Variants in GRID2 observed in about 807,000 individuals in gnomAD.
GRID2 encodes glutamate ionotropic receptor delta type subunit 2.
In GRID2, 33 loss-of-function variants were observed where a neutral mutation model predicts 114.8. The ratio of observed to expected loss-of-function variants is 0.29; its 90% confidence interval spans 0.22 to 0.38. The LOEUF (loss-of-function observed/expected upper bound fraction) is 0.38. Among genes scored for constraint, GRID2 ranks in the 10% least tolerant of loss-of-function variants. GRID2 has a pLI of 1.00. For synonymous variants in GRID2, 505 were observed against 449.9 expected, an observed-to-expected ratio of 1.12 and a Z score of -1.55; for missense variants, 1,184 against 1,257.7, an observed-to-expected ratio of 0.94 and a Z score of 0.89.
intron 2 of GRID2, among the ~76,000 whole-genome samples, chr4:92,600,020 ATGTATGTGTGTGTGTGTGTGTGTG>A (rs1363503137): frequency 1.0e-4 from 10 of 99,712 alleles, no homozygotes; most frequent in African/African-American, 4.2e-4. Flanking sequence ...GCAATACTTC[ATGTATGTGTGTGTGTGTGTGTGTG>A]TATATATATA....
chr4:92,322,747 G>A (rs922500536), intron 1 of GRID2, among the ~76,000 whole-genome samples: 1 of 152,042 alleles, frequency 6.6e-6, no homozygotes, highest in Non-Finnish European at 1.5e-5. Context: ...TTCTGTCTTA[G>A]CAGCAGGTTA....
At position 92,448,129 on chromosome 4, in the gene GRID2, TTTTA is replaced by T. The variant is rs959752616; in HGVS notation, c.89-142000_89-141997del. Among the ~76,000 whole-genome samples, 5 of 140,922 alleles carry T rather than the reference TTTTA, an allele frequency of 3.5e-5. No individual in the cohort carries two copies. In the East Asian group the frequency reaches 6.0e-4, roughly 17 times the overall value. 92.5% of individuals were successfully genotyped at this position (140,922 alleles called of 152,430 possible). A position where few individuals can be genotyped will look rare whatever the true frequency, so the allele number is the denominator to read the frequency against. On this transcript the variant is annotated intron_variant, in intron 1 of 15. Transcript: ENST00000282020. ...TGTAGAGTAGTAGTATTGATTTTTATTTTATGTATGTATGTATGTATGTATGTAT... is the reference window on the plus strand; with the variant it reads ...TGTAGAGTAGTAGTATTGATTTTTATTGTATGTATGTATGTATGTATGTAT...
At chr4:92,934,726 T>A (rs527769805) in intron 2 of GRID2, among the ~76,000 whole-genome samples, 4 of 146,344 alleles carry the variant, frequency 2.7e-5, no homozygotes, top group African/African-American at 9.7e-5. Flanking sequence ...CCCTCAGAAA[T>A]AACACTGCAT....
chr4:93,794,671 C>T (rs1287462252), intron 1 of GRID2, among the ~76,000 whole-genome samples: 1 of 152,214 alleles, frequency 6.6e-6, no homozygotes, highest in African/African-American at 2.4e-5. Flanking sequence ...GGTTTGCCAA[C>T]TTGCAGATAA....
chr4:92,987,223 A>AT (rs570366395), intron 2 of GRID2, among the ~76,000 whole-genome samples: 9 of 151,816 alleles, frequency 5.9e-5, no homozygotes, highest in East Asian at 1.9e-4. Flanking sequence ...GACTGATAAA[A>AT]TTTTTTTTTA....
At chr4:92,470,331 G>T (rs1254047595) in intron 1 of GRID2, among the ~76,000 whole-genome samples, 1 of 150,876 alleles carries the variant, frequency 6.6e-6, no homozygotes, top group Non-Finnish European at 1.5e-5. Flanking sequence ...TATAATATTG[G>T]CAGAGAGACA....
intron 2 of GRID2, among the ~76,000 whole-genome samples, chr4:92,788,660 T>C (rs1208350685): frequency 4.0e-5 from 6 of 151,884 alleles, no homozygotes; most frequent in African/African-American, 1.4e-4. Flanking sequence ...AATTATGATC[T>C]TAATTTTTAT....
chr4:93,100,271 T>C (rs1731586591), intron 3 of GRID2, among the ~76,000 whole-genome samples: 1 of 151,818 alleles, frequency 6.6e-6, no homozygotes, highest in African/African-American at 2.4e-5. Context: ...TATTATCAAA[T>C]AGAAATTCAA....
At position 92,666,530 on chromosome 4, in the gene GRID2, A is replaced by G. The variant is rs1732784605; in HGVS notation, c.244+76244A>G. On this transcript the variant is annotated intron_variant, in intron 2 of 15. Transcript: ENST00000282020. ...AATCCAATAATATGGCAAATTTGGA[A>G]CTCATATTTCACTCCTTCACCTGGA... 2.0e-5 allele frequency among the ~76,000 whole-genome samples: 3 copies of G among 150,908 alleles called. No individual in the cohort carries two copies. The Admixed American group carries it at 2.0e-4, about 10-fold the overall frequency.
intron 2 of GRID2, among the ~76,000 whole-genome samples, chr4:92,950,872 G>A (rs1454196546): frequency 6.6e-6 from 1 of 152,048 alleles, no homozygotes; most frequent in Non-Finnish European, 1.5e-5. Context: ...TTTCAGTTCT[G>A]GAGTGCCCAC....
chr4:92,888,443 C>G (rs979757739), intron 2 of GRID2, among the ~76,000 whole-genome samples: 7 of 151,982 alleles, frequency 4.6e-5, no homozygotes, highest in Non-Finnish European at 8.8e-5. Flanking sequence ...TTTTCAACAC[C>G]TTTCTGCTGA....
At chr4:92,512,369 G>A (rs571340238) in intron 1 of GRID2, among the ~76,000 whole-genome samples, 4 of 151,862 alleles carry the variant, frequency 2.6e-5, no homozygotes, top group Non-Finnish European at 5.9e-5. Flanking sequence ...GTTCATTCAA[G>A]TCTCTCCTTT....
At chr4:92,391,973 A>C (rs1370634858) in intron 1 of GRID2, among the ~76,000 whole-genome samples, 2 of 152,152 alleles carry the variant, frequency 1.3e-5, no homozygotes, top group African/African-American at 4.8e-5. Context: ...GACGTGACAG[A>C]TCTCTGATGG....
chr4:92,866,817 C>T (rs891001037), intron 2 of GRID2, among the ~76,000 whole-genome samples: 10 of 152,142 alleles, frequency 6.6e-5, no homozygotes, highest in South Asian at 4.1e-4. Flanking sequence ...TCCCCAAGTG[C>T]GGGGATTGTA....
At chr4:92,960,906 A>G (rs1752753423) in intron 2 of GRID2, among the ~76,000 whole-genome samples, 1 of 151,692 alleles carries the variant, frequency 6.6e-6, no homozygotes, top group African/African-American at 2.4e-5. Context: ...TATCAGTTAT[A>G]TATTTTTCCT....
At chr4:93,176,395 T>C (rs1488179291) in intron 4 of GRID2, among the ~76,000 whole-genome samples, 1 of 152,202 alleles carries the variant, frequency 6.6e-6, no homozygotes, top group Non-Finnish European at 1.5e-5. Flanking sequence ...TGAAAGATGA[T>C]AGTTCATTCT....
chr4:92,936,234 C>G (rs1487594571), intron 2 of GRID2, among the ~76,000 whole-genome samples: 1 of 146,240 alleles, frequency 6.8e-6, no homozygotes, highest in African/African-American at 2.4e-5. Flanking sequence ...CCAATTTGAT[C>G]TGTTGACTAA....
At chr4:92,608,327 A>G (rs997103012) in intron 2 of GRID2, among the ~76,000 whole-genome samples, 25 of 151,994 alleles carry the variant, frequency 1.6e-4, no homozygotes, top group African/African-American at 5.1e-4. Flanking sequence ...ATCAATCTTC[A>G]TATACCAAAG....
At chr4:93,275,398 G>A (rs1359353830) in intron 8 of GRID2, among the ~76,000 whole-genome samples, 2 of 148,168 alleles carry the variant, frequency 1.3e-5, no homozygotes, top group African/African-American at 2.5e-5. Context: ...ATTTTATGAG[G>A]ACATAATTTT....
Sources: gnomAD v4.1 joint callset for allele counts (sites outside exome capture counted in the v4.1 genomes callset) on GRCh38, gnomAD v4.1.1 for gene constraint, MANE v1.5 for transcripts, NCBI Gene and HGNC (gene_info 2026-07-23, HGNC 2026-07-21) for gene names.